LRFN2: variants seen among roughly 807,000 people sequenced by gnomAD.
LRFN2 encodes the protein leucine-rich repeat and fibronectin type-III domain-containing protein 2.
Under a neutral mutation model 37.3 loss-of-function variants are expected in LRFN2, and 18 were observed. That is an observed-to-expected ratio of 0.48 (90% CI 0.33 to 0.72). The LOEUF (loss-of-function observed/expected upper bound fraction) is 0.72, where lower values mean the gene tolerates loss of function less well. Ranked by LOEUF, LRFN2 falls within the 30% of genes least tolerant of loss-of-function variation. The pLI is 0.02. For missense variants in LRFN2, 1,006 were observed against 1,060.7 expected (o/e 0.95, Z 0.72); for synonymous variants, 556 against 466.6 (o/e 1.19, Z -2.47).
intron 1 of LRFN2, among the ~76,000 whole-genome samples, chr6:40,499,652 G>C (rs1243898074): frequency 6.6e-6 from 1 of 152,188 alleles, no homozygotes; most frequent in Non-Finnish European, 1.5e-5. Flanking sequence ...GCAGCAGAGA[G>C]TGTGGGCCGA....
At chr6:40,536,462 A>G (rs189379283) in intron 1 of LRFN2, among the ~76,000 whole-genome samples, 3 of 152,364 alleles carry the variant, frequency 2.0e-5, no homozygotes, top group Non-Finnish European at 4.4e-5. Flanking sequence ...ACTTAACAGA[A>G]TGACAGCAAA....
intron 1 of LRFN2, among the ~76,000 whole-genome samples, chr6:40,520,342 G>T (rs1766023875): frequency 6.6e-6 from 1 of 152,142 alleles, no homozygotes; most frequent in African/African-American, 2.4e-5. Context: ...GAGGTGCAGG[G>T]AGGGGGAGCA....
At chr6:40,416,657 A>T (rs1410720870) in intron 2 of LRFN2, among the ~76,000 whole-genome samples, 1 of 152,182 alleles carries the variant, frequency 6.6e-6, no homozygotes, top group Non-Finnish European at 1.5e-5. Flanking sequence ...TGACTCTCCC[A>T]AGCCCTTGGC....
intron 2 of LRFN2, among the ~76,000 whole-genome samples, chr6:40,403,953 T>C (rs904858898): frequency 6.6e-6 from 1 of 152,156 alleles, no homozygotes; most frequent in Admixed American, 6.5e-5. Context: ...CCCCACTGCT[T>C]CTCAAATCTG....
intron 1 of LRFN2, among the ~76,000 whole-genome samples, chr6:40,456,251 T>C (rs1764232239): frequency 6.6e-6 from 1 of 152,240 alleles, no homozygotes; most frequent in Non-Finnish European, 1.5e-5. Context: ...TTAAGCCAAG[T>C]TCCTGCTAAT....
At chr6:40,571,251 T>C (rs752208336) in intron 1 of LRFN2, among the ~76,000 whole-genome samples, 3 of 152,228 alleles carry the variant, frequency 2.0e-5, no homozygotes, top group Non-Finnish European at 2.9e-5. Context: ...AGGTGCTCAG[T>C]AAACATCTGT....
intron 1 of LRFN2, among the ~76,000 whole-genome samples, chr6:40,508,112 G>T (rs935351426): frequency 2.6e-5 from 4 of 152,030 alleles, no homozygotes; most frequent in African/African-American, 9.7e-5. Context: ...CGTCACCTTG[G>T]GCTAGTTACC....
intron 1 of LRFN2, among the ~76,000 whole-genome samples, chr6:40,533,521 AC>A (rs1161267143): frequency 6.6e-6 from 1 of 151,848 alleles, no homozygotes; most frequent in East Asian, 1.9e-4. Flanking sequence ...ATTGATTAAA[AC>A]CAAAAAAAAA....
intron 1 of LRFN2, among the ~76,000 whole-genome samples, chr6:40,584,955 A>G (rs1223821632): frequency 6.6e-6 from 1 of 151,832 alleles, no homozygotes; most frequent in Non-Finnish European, 1.5e-5. Context: ...CTTCCCATCT[A>G]TCTTGCTTCT....
intron 1 of LRFN2, among the ~76,000 whole-genome samples, chr6:40,581,698 G>A (rs6458163): frequency 0.047 from 7,102 of 152,206 alleles, 270 homozygotes; most frequent in African/African-American, 0.1. Context: ...GCATTTTTAG[G>A]AGGTTCCAGG....
chr6:40,475,897 A>C (rs1764700475), intron 1 of LRFN2, among the ~76,000 whole-genome samples: 1 of 152,196 alleles, frequency 6.6e-6, no homozygotes, highest in Non-Finnish European at 1.5e-5. Context: ...TAGGACCTGA[A>C]AGAGCATCCA....
chr6:40,494,102 AGG>A (rs543264638), intron 1 of LRFN2, among the ~76,000 whole-genome samples: 34 of 152,244 alleles, frequency 2.2e-4, no homozygotes, highest in Non-Finnish European at 4.0e-4. Context: ...TAGGAATCTT[AGG>A]GAAAAACAAC....
chr6:40,456,133 GAT>G (rs1764229444), intron 1 of LRFN2, among the ~76,000 whole-genome samples: 1 of 152,208 alleles, frequency 6.6e-6, no homozygotes, highest in South Asian at 2.1e-4. Flanking sequence ...CTTAGAAGTA[GAT>G]ATTCCCCTAG....
intron 1 of LRFN2, among the ~76,000 whole-genome samples, chr6:40,468,774 C>T (rs1459654462): frequency 6.6e-6 from 1 of 152,112 alleles, no homozygotes. Context: ...TCCACCTCTG[C>T]CCCTTACCCC....
At chr6:40,563,592 A>G (rs2113790001) in intron 1 of LRFN2, among the ~76,000 whole-genome samples, 1 of 152,254 alleles carries the variant, frequency 6.6e-6, no homozygotes, top group East Asian at 1.9e-4. Context: ...GCGAAGGTAG[A>G]TATGGAAGCA....
chr6:40,457,570 T>C (rs1370393194), intron 1 of LRFN2, among the ~76,000 whole-genome samples: 2 of 145,450 alleles, frequency 1.4e-5, no homozygotes, highest in African/African-American at 5.1e-5. Flanking sequence ...GCCTAGGAGG[T>C]TAAGGCTGCA....
chr6:40,496,584 A>T lies in LRFN2; in HGVS notation c.-18-63453T>A, dbSNP rs1765233663. ...CCTCTTACCCTGCCCTGGTCTTCAC[A>T]TGCCCAGCCCTCATCATTTGGCTCT... On this transcript the variant is annotated intron_variant, in intron 1 of 2. Coordinates refer to ENST00000338305, the MANE Select transcript of LRFN2 (RefSeq NM_020737.3). Among the ~76,000 whole-genome samples the T allele has an allele frequency of 9.2e-5, 14 of 152,084 alleles. 1 individual carries two copies. In the South Asian group the frequency reaches 2.9e-3, roughly 32 times the overall value.
At chr6:40,400,575 C>T (rs1383118120) in intron 2 of LRFN2, among the ~76,000 whole-genome samples, 1 of 151,538 alleles carries the variant, frequency 6.6e-6, no homozygotes, top group Non-Finnish European at 1.5e-5. Context: ...CATGCACCAC[C>T]ATACCTGGCT....
intron 2 of LRFN2, among the ~76,000 whole-genome samples, chr6:40,420,967 T>C (rs1308104641): frequency 6.6e-6 from 1 of 152,200 alleles, no homozygotes; most frequent in Non-Finnish European, 1.5e-5. Flanking sequence ...GGAGTGAGCA[T>C]AGACCATGTA....
Sources: gnomAD v4.1 joint callset for allele counts (sites outside exome capture counted in the v4.1 genomes callset) on GRCh38, gnomAD v4.1.1 for gene constraint, MANE v1.5 for transcripts, NCBI Gene and HGNC (gene_info 2026-07-23, HGNC 2026-07-21) for gene names.